Variants in HS3ST4 observed in about 807,000 individuals in gnomAD.
HS3ST4 encodes heparan sulfate-glucosamine 3-sulfotransferase 4.
HS3ST4 carries 17 observed loss-of-function variants against 29.2 expected under a neutral mutation model. That is an observed-to-expected ratio of 0.58 (90% CI 0.40 to 0.87). HS3ST4 has a LOEUF of 0.87. Among genes scored for constraint, HS3ST4 ranks in the 40% least tolerant of loss-of-function variants. HS3ST4 has a pLI of 0.00. For missense variants in HS3ST4, 627 were observed against 634.5 expected (o/e 0.99, Z 0.13); for synonymous variants, 314 against 285.7 (o/e 1.10, Z -1.00).
intron 1 of HS3ST4, among the ~76,000 whole-genome samples, chr16:25,765,655 T>C (rs1190952950): frequency 6.6e-6 from 1 of 152,144 alleles, no homozygotes; most frequent in African/African-American, 2.4e-5. Flanking sequence ...CATTTCTTGG[T>C]TAATTTGCCG....
chr16:26,135,608 C>A lies in HS3ST4; in HGVS notation c.735-4C>A, dbSNP rs745489021. Reference sequence around the variant, plus strand: ...ATTCTCTTCCTTTTTCCTCCCTCTCCTAGAAATGTGATGCCCAAGACTTTG... The same window carrying A: ...ATTCTCTTCCTTTTTCCTCCCTCTCATAGAAATGTGATGCCCAAGACTTTG... On this transcript the variant is annotated splice_polypyrimidine_tract_variant and splice_region_variant and intron_variant, in intron 1 of 1. Coordinates refer to ENST00000331351, the MANE Select transcript of HS3ST4 (RefSeq NM_006040.3). 281 of 1,581,744 alleles carry A rather than the reference C, an allele frequency of 1.8e-4. 1 individual carries two copies. The South Asian group carries it at 3.1e-3, about 18-fold the overall frequency.
At chr16:26,121,475 A>G (rs1272974987) in intron 1 of HS3ST4, among the ~76,000 whole-genome samples, 1 of 152,218 alleles carries the variant, frequency 6.6e-6, no homozygotes, top group Non-Finnish European at 1.5e-5. Context: ...GCGATGGTCC[A>G]TGCTGTTTGA....
intron 1 of HS3ST4, among the ~76,000 whole-genome samples, chr16:25,856,792 A>C (rs895137252): frequency 6.6e-6 from 1 of 152,036 alleles, no homozygotes; most frequent in African/African-American, 2.4e-5. Flanking sequence ...ACCTAATGCT[A>C]CTCTTCCATT....
At chr16:25,822,582 T>C (rs989257717) in intron 1 of HS3ST4, among the ~76,000 whole-genome samples, 17 of 152,186 alleles carry the variant, frequency 1.1e-4, no homozygotes, top group Non-Finnish European at 2.9e-5. Context: ...AAGTGTCCCT[T>C]TGTGGGAAAG....
At chr16:25,857,882 C>T (rs985185569) in intron 1 of HS3ST4, among the ~76,000 whole-genome samples, 2 of 132,000 alleles carry the variant, frequency 1.5e-5, no homozygotes, top group South Asian at 2.5e-4. Flanking sequence ...CTTTCTCTTT[C>T]TTTCTTTCTT....
At chr16:25,873,112 C>G (rs1328910290) in intron 1 of HS3ST4, among the ~76,000 whole-genome samples, 1 of 152,060 alleles carries the variant, frequency 6.6e-6, no homozygotes, top group South Asian at 2.1e-4. Flanking sequence ...CCCATGTAGA[C>G]CATTGCTTCA....
chr16:25,692,867 C>A lies in HS3ST4; in HGVS notation c.450C>A (p.Ile150=). Residue 150 remains isoleucine (I), a synonymous_variant, in exon 1 of 2, where the codon ATC becomes ATA. Transcript: ENST00000331351. ...CCCCGCTGGCCCCCAGCGAGATGAT[C>A]ACGGCTCAGAGCGCGCTGCCGGAGA... ...LRTPLAPSEM[I]TAQSALPERE... The A allele has an allele frequency of 6.6e-7, 1 of 1,517,046 alleles. No individual in the cohort carries two copies. Among genetic ancestry groups the A allele is most frequent in the Non-Finnish European group, 8.8e-7 (1 of 1,132,086 alleles). The allele number at this position is 1,517,046 out of a possible 1,614,324, so 94.0% of individuals were successfully genotyped here. A position where few individuals can be genotyped will look rare whatever the true frequency, so the allele number is the denominator to read the frequency against.
intron 1 of HS3ST4, among the ~76,000 whole-genome samples, chr16:25,758,360 T>C (rs928843690): frequency 2.0e-5 from 3 of 152,220 alleles, no homozygotes; most frequent in South Asian, 4.1e-4. Context: ...TATCAATACC[T>C]GTGCTCAAAT....
chr16:25,978,106 A>G (rs1968963088), intron 1 of HS3ST4, among the ~76,000 whole-genome samples: 1 of 152,206 alleles, frequency 6.6e-6, no homozygotes, highest in Non-Finnish European at 1.5e-5. Flanking sequence ...GCTACCTTCA[A>G]CGTTTTTGAC....
intron 1 of HS3ST4, among the ~76,000 whole-genome samples, chr16:25,851,206 T>C (rs895603927): frequency 3.9e-5 from 6 of 152,300 alleles, no homozygotes; most frequent in African/African-American, 1.4e-4. Context: ...TATATGTTTG[T>C]TTTTCCATGC....
chr16:25,887,438 C>A (rs1967965553), intron 1 of HS3ST4, among the ~76,000 whole-genome samples: 1 of 151,984 alleles, frequency 6.6e-6, no homozygotes, highest in South Asian at 2.1e-4. Flanking sequence ...GTATTTTAAC[C>A]CCCACCCTCT....
intron 1 of HS3ST4, among the ~76,000 whole-genome samples, chr16:25,913,372 T>G (rs537730172): frequency 6.6e-6 from 1 of 152,352 alleles, no homozygotes; most frequent in East Asian, 1.9e-4. Context: ...AGGGAGCCTG[T>G]GCACCCCTTC....
At chr16:25,882,786 C>G (rs2141664809) in intron 1 of HS3ST4, among the ~76,000 whole-genome samples, 1 of 152,328 alleles carries the variant, frequency 6.6e-6, no homozygotes, top group East Asian at 1.9e-4. Context: ...ATGCTGGTCA[C>G]TGTCTTCACC....
chr16:25,976,547 G>A (rs765692574), intron 1 of HS3ST4, among the ~76,000 whole-genome samples: 4 of 152,226 alleles, frequency 2.6e-5, no homozygotes, highest in Non-Finnish European at 5.9e-5. Flanking sequence ...GTTTGTGGAA[G>A]GCGTGGTTGG....
At chr16:25,873,921 G>A (rs1185983765) in intron 1 of HS3ST4, among the ~76,000 whole-genome samples, 1 of 152,150 alleles carries the variant, frequency 6.6e-6, no homozygotes, top group African/African-American at 2.4e-5. Context: ...TTAAAAGCCA[G>A]GTTTGACAGT....
intron 1 of HS3ST4, among the ~76,000 whole-genome samples, chr16:25,716,564 G>C (rs904452568): frequency 5.3e-5 from 8 of 152,202 alleles, no homozygotes; most frequent in Admixed American, 2.6e-4. Flanking sequence ...GGAGCCCTTT[G>C]GCTAAGACAG....
intron 1 of HS3ST4, among the ~76,000 whole-genome samples, chr16:26,052,537 A>G (rs1360855558): frequency 6.6e-6 from 1 of 151,904 alleles, no homozygotes; most frequent in African/African-American, 2.4e-5. Context: ...CGCCTGGCTA[A>G]TTTTTGTGTT....
rs191072576 is a variant in HS3ST4 at position 25,918,719 on chromosome 16, C to T, written c.735-216893C>T. On this transcript the variant is annotated intron_variant, in intron 1 of 1. Transcript: ENST00000331351. ...AGTGCTGAGGCTGAGGCTGGAGAAT[C>T]GCTTGAACCTGGGAGGCACAGGTTG... 5.3e-5 allele frequency among the ~76,000 whole-genome samples: 8 copies of T among 152,284 alleles called. No individual in the cohort carries two copies. In the East Asian group the frequency reaches 1.4e-3, roughly 26 times the overall value.
rs1225654978 is a variant in HS3ST4, at chr16:26,137,544, C to T, written c.*1296C>T. The stretch of plus-strand genomic sequence containing the variant: ...TCATTTGACATAAAGCACTTGTTCA[C>T]AGATCTCCAAAACCAGGAATTGTTC... On this transcript the variant is annotated 3_prime_UTR_variant, in exon 2 of 2. Transcript: ENST00000331351. The T allele has an allele frequency of 6.6e-6, 1 of 152,142 alleles. No homozygotes were observed. Among genetic ancestry groups the T allele is most frequent in the Non-Finnish European group, 1.5e-5 (1 of 68,040 alleles). 9.4% of individuals were successfully genotyped at this position (152,142 alleles called of 1,614,324 possible). A position where few individuals can be genotyped will look rare whatever the true frequency, so the allele number is the denominator to read the frequency against.
Sources: allele counts gnomAD v4.1 joint callset (sites outside exome capture counted in the v4.1 genomes callset), GRCh38; gene constraint gnomAD v4.1.1; transcripts MANE v1.5; gene names NCBI Gene and HGNC (gene_info 2026-07-23, HGNC 2026-07-21).